The following PDE10A variants were observed in gnomAD, a reference collection of about 807,000 sequenced individuals.
PDE10A encodes cAMP and cAMP-inhibited cGMP 3',5'-cyclic phosphodiesterase 10A.
Under a neutral mutation model 97.7 loss-of-function variants are expected in PDE10A, and 39 were observed. The ratio of observed to expected loss-of-function variants is 0.40; its 90% CI spans 0.31 to 0.52. The LOEUF is 0.52. Ranked by LOEUF, PDE10A falls within the 20% of genes least tolerant of loss-of-function variation. The pLI is 0.56. For synonymous variants in PDE10A, 371 were observed against 376.8 expected (o/e 0.98, Z 0.18); for missense variants, 731 against 1,047.8 (o/e 0.70, Z 4.17).
chr6:165,539,410 G>T (rs539346813), intron 2 of PDE10A, among the ~76,000 whole-genome samples: 60 of 152,242 alleles, frequency 3.9e-4, no homozygotes, highest in South Asian at 2.1e-3. Flanking sequence ...TCGTAATCGC[G>T]CCTCTTTCTC....
At chr6:165,538,384 A>G (rs2128319615) in intron 2 of PDE10A, among the ~76,000 whole-genome samples, 1 of 152,276 alleles carries the variant, frequency 6.6e-6, no homozygotes, top group South Asian at 2.1e-4. Context: ...AGACACGATC[A>G]TAGAAATAAA....
At position 165,388,115 on chromosome 6, in the gene PDE10A, G is replaced by A. The variant is rs1385733725; in HGVS notation, c.2610+183C>T. 1.3e-5 allele frequency among the ~76,000 whole-genome samples: 2 copies of A among 152,148 alleles called. No individual in the cohort carries two copies. The highest frequency in any genetic ancestry group is 2.9e-5 in the Non-Finnish European group (2 of 68,018). On this transcript the variant is annotated intron_variant, in intron 17 of 21. Transcript: ENST00000539869. The surrounding 1 kb of genome is among the most constrained non-coding windows in gnomAD (Gnocchi z 4.0). The stretch of plus-strand genomic sequence containing the variant: ...CAAAATACATATATTCAAATTATTT[G>A]TAAAGGATTCTTTATGCAAAAAACA...
At chr6:165,838,746 TTTC>T (rs869263011) in intron 1 of PDE10A, among the ~76,000 whole-genome samples, 2 of 152,350 alleles carry the variant, frequency 1.3e-5, no homozygotes, top group African/African-American at 2.4e-5. Context: ...ACTGAAACTT[TTTC>T]TTCTTCTCTC....
At chr6:165,665,689 G>A (rs1452785642), upstream of PDE10A, among the ~76,000 whole-genome samples, 2 of 150,420 alleles carry the variant, frequency 1.3e-5, no homozygotes, top group Non-Finnish European at 2.9e-5. Context: ...AGCCCACGTT[G>A]CAAAGAAAAA....
chr6:165,510,787 C>A (rs925172444), intron 2 of PDE10A, among the ~76,000 whole-genome samples: 5 of 151,918 alleles, frequency 3.3e-5, no homozygotes, highest in Non-Finnish European at 7.4e-5. Context: ...TATCCATTTC[C>A]TCTAGGTTTT....
chr6:165,678,315 G>A (rs1023893751), intron 1 of PDE10A, among the ~76,000 whole-genome samples: 23 of 150,414 alleles, frequency 1.5e-4, no homozygotes, highest in African/African-American at 5.4e-4. Context: ...GTGCATGTGT[G>A]TGCATATCTT....
chr6:165,942,037 G>A (rs1472881896), intron 1 of PDE10A, among the ~76,000 whole-genome samples: 4 of 152,124 alleles, frequency 2.6e-5, no homozygotes, highest in South Asian at 4.1e-4. Context: ...GATGCCATCC[G>A]GACAGTGATT....
At chr6:165,517,297 A>G (rs2128305838) in intron 2 of PDE10A, among the ~76,000 whole-genome samples, 1 of 152,286 alleles carries the variant, frequency 6.6e-6, no homozygotes, top group African/African-American at 2.4e-5. Context: ...TCTTAAATAG[A>G]CTCAAAAGAC....
chr6:165,772,469 G>C (rs1230732705), intron 1 of PDE10A, among the ~76,000 whole-genome samples: 1 of 152,126 alleles, frequency 6.6e-6, no homozygotes, highest in Non-Finnish European at 1.5e-5. Context: ...CGGCGTCCTA[G>C]GGCCTCCGCG....
chr6:165,919,651 T>C (rs982924684), intron 1 of PDE10A, among the ~76,000 whole-genome samples: 2 of 152,238 alleles, frequency 1.3e-5, no homozygotes, highest in African/African-American at 4.8e-5. Context: ...CATTCTGAGC[T>C]TGTGGCCTGT....
intron 1 of PDE10A, among the ~76,000 whole-genome samples, chr6:165,630,907 C>T (rs574828686): frequency 6.6e-6 from 1 of 152,234 alleles, no homozygotes; most frequent in Non-Finnish European, 1.5e-5. Flanking sequence ...CCTCTAGAAT[C>T]GGCTGGATGG....
intron 15 of PDE10A, among the ~76,000 whole-genome samples, chr6:165,394,163 A>T (rs1258993396): frequency 6.6e-6 from 1 of 152,036 alleles, no homozygotes; most frequent in Non-Finnish European, 1.5e-5. Flanking sequence ...GGCTTGCTGC[A>T]CCCATCAACC....
At chr6:165,877,430 T>C (rs1156549265) in intron 1 of PDE10A, among the ~76,000 whole-genome samples, 1 of 152,212 alleles carries the variant, frequency 6.6e-6, no homozygotes, top group African/African-American at 2.4e-5. Flanking sequence ...CCACTCTTCA[T>C]GGGAGAGTAG....
intron 1 of PDE10A, among the ~76,000 whole-genome samples, chr6:165,687,037 G>C (rs2128440788): frequency 6.6e-6 from 1 of 152,390 alleles, no homozygotes; most frequent in East Asian, 1.9e-4. Flanking sequence ...CTGCAGAAGA[G>C]CTGGGGAGAG....
intron 1 of PDE10A, among the ~76,000 whole-genome samples, chr6:165,567,575 T>C (rs1456766115): frequency 6.6e-6 from 1 of 152,224 alleles, no homozygotes; most frequent in Non-Finnish European, 1.5e-5. Flanking sequence ...TGCTTATTAC[T>C]TCTACTATGA....
intron 1 of PDE10A, among the ~76,000 whole-genome samples, chr6:165,813,676 A>G (rs1779337641): frequency 6.6e-6 from 1 of 152,250 alleles, no homozygotes; most frequent in Admixed American, 6.5e-5. Context: ...AATAAACTCC[A>G]TTAAATGTAA....
In PDE10A at chr6:165,430,270, T is replaced by C. The variant is rs777674480; in HGVS notation, c.1601+17A>G. The C allele has an allele frequency of 1.3e-6, 2 of 1,592,968 alleles. No homozygotes were observed. The highest frequency in any genetic ancestry group is 2.2e-5 in the South Asian group (2 of 89,670). On this transcript the variant is annotated intron_variant, in intron 9 of 21. Transcript: ENST00000539869. Reference sequence around the variant, plus strand: ...ATTGATTAATAAGAGCTACTATCCCTAGAAATGAACACTTACTTTGATACG... The same window carrying C: ...ATTGATTAATAAGAGCTACTATCCCCAGAAATGAACACTTACTTTGATACG...
chr6:165,544,840 CAT>C (rs1554283466), intron 1 of PDE10A, among the ~76,000 whole-genome samples: 2 of 151,850 alleles, frequency 1.3e-5, no homozygotes, highest in South Asian at 2.1e-4. Context: ...CACACACACA[CAT>C]ATACACACAC....
intron 1 of PDE10A, among the ~76,000 whole-genome samples, chr6:165,837,718 CTCCGTCGCCCAGGCTGGAG>C (rs1180944560): frequency 2.2e-5 from 3 of 136,750 alleles, no homozygotes; most frequent in African/African-American, 8.1e-5. Flanking sequence ...CAGAGTCTCA[CTCCGTCGCCCAGGCTGGAG>C]TGCAGCGGCA....
Sources: gnomAD v4.1 joint callset for allele counts (sites outside exome capture counted in the v4.1 genomes callset) on GRCh38, gnomAD v4.1.1 for gene constraint, Gnocchi (gnomAD v3.1) non-coding constraint, MANE v1.5 for transcripts, NCBI Gene and HGNC (gene_info 2026-07-23, HGNC 2026-07-21) for gene names.